The following SUSD3 variants were observed in gnomAD, a reference collection of about 807,000 sequenced individuals.
SUSD3 encodes sushi domain containing 3.
A neutral mutation model predicts 20.6 loss-of-function variants in SUSD3; 18 were observed. That is an observed-to-expected ratio of 0.87 (90% CI 0.60 to 1.30). The LOEUF is 1.30. SUSD3 is among the 50% of genes most tolerant of loss of function. The pLI is 0.00. For missense variants in SUSD3, 306 were observed against 346.9 expected, an observed-to-expected ratio of 0.88 and a Z score of 0.94; for synonymous variants, 137 against 141.5, an observed-to-expected ratio of 0.97 and a Z score of 0.23.
intron 1 of SUSD3, among the ~76,000 whole-genome samples, chr9:93,070,166 G>A (rs961962495): frequency 6.6e-6 from 1 of 152,182 alleles, no homozygotes; most frequent in East Asian, 1.9e-4. Flanking sequence ...TTTATGTAGA[G>A]AAGATACAAA....
chr9:93,084,108 A>C (rs1320811705), intron 4 of SUSD3, among the ~76,000 whole-genome samples: 5 of 152,022 alleles, frequency 3.3e-5, no homozygotes, highest in African/African-American at 1.2e-4. Context: ...CCTGGCTACC[A>C]AAGAGGCAGG....
chr9:93,067,672 A>G (rs932592261), intron 1 of SUSD3, among the ~76,000 whole-genome samples: 1 of 150,040 alleles, frequency 6.7e-6, no homozygotes, highest in Non-Finnish European at 1.5e-5. Context: ...ATCTCGGCTG[A>G]CTGCAACCTC....
chr9:93,084,367 T>C (rs1159511657), intron 4 of SUSD3, among the ~76,000 whole-genome samples, 170 bp from the exon 5 acceptor site: 1 of 152,086 alleles, frequency 6.6e-6, no homozygotes, highest in Non-Finnish European at 1.5e-5. Flanking sequence ...GTGACCTCTG[T>C]GCACCTTAGG....
chr9:93,072,941 A>T (rs542981783), intron 1 of SUSD3, among the ~76,000 whole-genome samples: 4 of 152,098 alleles, frequency 2.6e-5, no homozygotes, highest in Non-Finnish European at 4.4e-5. Context: ...GCTATGTCTC[A>T]TCTCAGGCTC....
intron 4 of SUSD3, among the ~76,000 whole-genome samples, chr9:93,083,005 C>T (rs868169240): frequency 1.3e-5 from 2 of 152,296 alleles, no homozygotes; most frequent in East Asian, 1.9e-4. Context: ...TGTGGTCGGA[C>T]GTGTGCGTCC....
At chr9:93,071,942 A>C (rs1825927039) in intron 1 of SUSD3, among the ~76,000 whole-genome samples, 1 of 152,140 alleles carries the variant, frequency 6.6e-6, no homozygotes, top group African/African-American at 2.4e-5. Flanking sequence ...GGGGCTCCCG[A>C]AACAGTGTGC....
At chr9:93,067,372 G>A (rs1825755809) in intron 1 of SUSD3, among the ~76,000 whole-genome samples, 1 of 152,184 alleles carries the variant, frequency 6.6e-6, no homozygotes, top group South Asian at 2.1e-4. Flanking sequence ...TACAAATAAT[G>A]CTGCTGTGAA....
chr9:93,080,432 G>A (rs1012140900), intron 4 of SUSD3, among the ~76,000 whole-genome samples: 1 of 152,040 alleles, frequency 6.6e-6, no homozygotes. Context: ...CCAGGTCTCT[G>A]GGCTCCTTAA....
At chr9:93,082,917 G>T (rs1826478912) in intron 4 of SUSD3, among the ~76,000 whole-genome samples, 1 of 152,100 alleles carries the variant, frequency 6.6e-6, no homozygotes, top group African/African-American at 2.4e-5. Flanking sequence ...GCTCCCAGGG[G>T]TGCTGTTTGG....
intron 3 of SUSD3, 57 bp downstream of exon 3, chr9:93,078,050 G>A: frequency 6.2e-7 from 1 of 1,611,120 alleles, no homozygotes; most frequent in Non-Finnish European, 8.5e-7. Context: ...GGCACCATGG[G>A]AGGAGGAAAG....
intron 1 of SUSD3, among the ~76,000 whole-genome samples, chr9:93,074,616 C>CTTTTTTTTTT (rs989411910): frequency 4.2e-5 from 4 of 96,352 alleles, no homozygotes; most frequent in African/African-American, 9.1e-5. Flanking sequence ...GCAGCAGATT[C>CTTTTTTTTTT]TTTTTTTTTT....
At chr9:93,074,876 T>C (rs1225383780) in intron 1 of SUSD3, among the ~76,000 whole-genome samples, 1 of 152,050 alleles carries the variant, frequency 6.6e-6, no homozygotes. Flanking sequence ...CCTCCCAAAG[T>C]GCTGGGATTA....
At chr9:93,076,309 GTTCA>G (rs35809322) in intron 2 of SUSD3, among the ~76,000 whole-genome samples, 33,205 of 151,308 alleles carry the variant, frequency 0.22, 4,537 homozygotes, top group African/African-American at 0.39. Flanking sequence ...AACTATGTTT[GTTCA>G]TTCATTCATT....
intron 2 of SUSD3, among the ~76,000 whole-genome samples, chr9:93,076,312 CATT>C (rs1826165500): frequency 2.6e-5 from 2 of 77,596 alleles, no homozygotes; most frequent in African/African-American, 4.5e-4. Flanking sequence ...TATGTTTGTT[CATT>C]CATTCATTCA....
intron 2 of SUSD3, among the ~76,000 whole-genome samples, chr9:93,077,342 G>T (rs1376451193): frequency 2.0e-5 from 3 of 151,990 alleles, no homozygotes; most frequent in Admixed American, 2.0e-4. Flanking sequence ...ACTGTCTATT[G>T]TCACCTCCTC....
At chr9:93,060,228 T>A (rs1825451745) in intron 1 of SUSD3, among the ~76,000 whole-genome samples, 1 of 152,242 alleles carries the variant, frequency 6.6e-6, no homozygotes, top group Non-Finnish European at 1.5e-5. Flanking sequence ...CTGACCACCA[T>A]GACCACTTCC....
rs1185833819 is a variant in SUSD3 at position 93,064,057 on chromosome 9, C to CA, written c.88+5227_88+5228insA. On this transcript the variant is annotated intron_variant, in intron 1 of 4. Coordinates refer to ENST00000375472, the MANE Select transcript of SUSD3 (RefSeq NM_145006.4). Reference sequence around the variant, plus strand: ...CTTTGGTTGTGGGTGGTGACTTCACCTTTTTTTTTGAGACAGAGTCTCACT... The same window carrying CA: ...CTTTGGTTGTGGGTGGTGACTTCACCATTTTTTTTTGAGACAGAGTCTCACT... Among the ~76,000 whole-genome samples the CA allele has an allele frequency of 2.0e-5, 3 of 151,288 alleles. No individual in the cohort carries two copies. In the East Asian group the frequency reaches 5.8e-4, roughly 29 times the overall value.
At chr9:93,078,039 T>TG in intron 3 of SUSD3, 46 bp downstream of exon 3, 1 of 1,612,990 alleles carries the variant, frequency 6.2e-7, no homozygotes, top group South Asian at 1.1e-5. Context: ...AGGCGCCTCT[T>TG]GGCACCATGG....
intron 1 of SUSD3, among the ~76,000 whole-genome samples, chr9:93,072,793 C>G (rs571771890): frequency 3.3e-5 from 5 of 152,120 alleles, no homozygotes; most frequent in Non-Finnish European, 7.4e-5. Flanking sequence ...GTTTGCTGGC[C>G]AATTGGTTGT....
Sources: gnomAD v4.1 joint callset for allele counts (sites outside exome capture counted in the v4.1 genomes callset) on GRCh38, gnomAD v4.1.1 for gene constraint, MANE v1.5 for transcripts, NCBI Gene and HGNC (gene_info 2026-07-23, HGNC 2026-07-21) for gene names.